Variants in UNC13C observed in about 807,000 individuals in gnomAD.
UNC13C encodes the protein unc-13 homolog C, also known as protein unc-13 homolog C.
Under a neutral mutation model 245.4 loss-of-function variants are expected in UNC13C, and 174 were observed. The ratio of observed to expected loss-of-function variants is 0.71; its 90% CI spans 0.63 to 0.80. UNC13C has a LOEUF of 0.80. UNC13C is among the 30% of genes least tolerant of loss of function. UNC13C has a pLI of 0.00. For synonymous variants in UNC13C, 992 were observed against 895.1 expected, an observed-to-expected ratio of 1.11 and a Z score of -1.93; for missense variants, 2,829 against 2,602.9, an observed-to-expected ratio of 1.09 and a Z score of -1.89.
Position 54,522,614 on chromosome 15 carries a change from A to G in UNC13C, c.5458-2935A>G, listed in dbSNP as rs567533561. ...ATGGTGTAAAACTCAGTTAATACCT[A>G]TGTGGGATTATAGTTTATTCTGATC... On this transcript the variant is annotated intron_variant, in intron 24 of 32. Transcript: ENST00000260323. 7.9e-5 allele frequency among the ~76,000 whole-genome samples: 12 copies of G among 152,318 alleles called. No individual in the cohort carries two copies. In the South Asian group the frequency reaches 2.3e-3, roughly 29 times the overall value.
the UNC13C span, among the ~76,000 whole-genome samples, chr15:53,899,646 C>T: frequency 6.6e-6 from 1 of 152,162 alleles, no homozygotes; most frequent in Non-Finnish European, 1.5e-5. Context: ...CTCACCGCAA[C>T]ATCCACCTCC....
intron 30 of UNC13C, among the ~76,000 whole-genome samples, chr15:54,597,527 G>A (rs1048231275): frequency 6.6e-6 from 1 of 152,172 alleles, no homozygotes; most frequent in Non-Finnish European, 1.5e-5. Flanking sequence ...TGGAAGGAGA[G>A]GGAAGAATGT....
intron 4 of UNC13C, among the ~76,000 whole-genome samples, chr15:54,163,876 T>C (rs2033066478): frequency 6.6e-6 from 1 of 152,210 alleles, no homozygotes; most frequent in Admixed American, 6.5e-5. Context: ...GCTGAAGAAT[T>C]ATAGTTCTCA....
chr15:54,338,336 G>T (rs779282817), intron 16 of UNC13C, 25 bp from the exon 17 acceptor site: 1 of 1,594,808 alleles, frequency 6.3e-7, no homozygotes, highest in Non-Finnish European at 8.6e-7. Flanking sequence ...TTGCATTTGA[G>T]AAAATAAATG....
chr15:53,889,418 G>C, the UNC13C span, among the ~76,000 whole-genome samples: 3 of 152,268 alleles, frequency 2.0e-5, no homozygotes, highest in South Asian at 4.1e-4. Flanking sequence ...CTGAGACTTG[G>C]CTGAAGTTGC....
chr15:54,627,188 TTAGTTCAC>T lies in UNC13C; in HGVS notation c.*78_*85del. On this transcript the variant is annotated 3_prime_UTR_variant, in exon 33 of 33. Transcript: ENST00000260323. The stretch of plus-strand genomic sequence containing the variant: ...TGCATGTGCAAATACATGGGAATGT[TTAGTTCAC>T]TACATTTCAATGTTTGCCAGTACTC... 2 of 1,399,466 alleles carry T rather than the reference TTAGTTCAC, an allele frequency of 1.4e-6. No homozygotes were observed. The allele number at this position is 1,399,466 out of a possible 1,614,324, so 86.7% of individuals were successfully genotyped here.
At chr15:54,443,373 C>A (rs994635603) in intron 19 of UNC13C, among the ~76,000 whole-genome samples, 2 of 151,612 alleles carry the variant, frequency 1.3e-5, no homozygotes, top group African/African-American at 4.8e-5. Context: ...TTTCATTGAT[C>A]CTTTGTATTT....
chr15:54,631,858 G>A (rs1197890323), downstream of UNC13C: 3 of 152,286 alleles, frequency 2.0e-5, no homozygotes, highest in Middle Eastern at 3.4e-3. Flanking sequence ...ATCTATTAGA[G>A]TGTGATTTCT....
chr15:54,438,553 T>A (rs1890346426), intron 19 of UNC13C, among the ~76,000 whole-genome samples: 1 of 152,012 alleles, frequency 6.6e-6, no homozygotes, highest in East Asian at 1.9e-4. Context: ...TCTTCCAGTC[T>A]CTAAAATGGC....
chr15:54,340,285 T>C (rs1382515334), intron 17 of UNC13C, among the ~76,000 whole-genome samples: 2 of 152,236 alleles, frequency 1.3e-5, no homozygotes, highest in Non-Finnish European at 2.9e-5. Flanking sequence ...GCTCTTTAGT[T>C]TAATTAAATC....
chr15:54,367,234 A>G (rs2039385538), intron 17 of UNC13C, among the ~76,000 whole-genome samples: 1 of 152,156 alleles, frequency 6.6e-6, no homozygotes, highest in Non-Finnish European at 1.5e-5. Flanking sequence ...CTTCCCATGT[A>G]TGGCTCAGAT....
chr15:54,238,259 G>T (rs1436963228), intron 7 of UNC13C, among the ~76,000 whole-genome samples: 1 of 152,016 alleles, frequency 6.6e-6, no homozygotes, highest in Non-Finnish European at 1.5e-5. Context: ...ATTTTTAGTA[G>T]AGATGGGGTT....
At chr15:54,154,811 C>T (rs2032672031) in intron 4 of UNC13C, among the ~76,000 whole-genome samples, 1 of 152,144 alleles carries the variant, frequency 6.6e-6, no homozygotes, top group African/African-American at 2.4e-5. Flanking sequence ...ATAAAAGGGA[C>T]TATATTGTCC....
At chr15:53,894,195 A>G in the UNC13C span, among the ~76,000 whole-genome samples, 1 of 152,166 alleles carries the variant, frequency 6.6e-6, no homozygotes, top group African/African-American at 2.4e-5. Flanking sequence ...TCCCAGTGAG[A>G]TGAACTGGAT....
intron 6 of UNC13C, 106 bp from the exon 7 acceptor site, chr15:54,237,513 A>G: frequency 2.3e-6 from 2 of 851,464 alleles, no homozygotes; most frequent in Non-Finnish European, 3.9e-6. Context: ...ACTAACTAAA[A>G]TATGAACAGT....
At chr15:54,481,082 TA>T (rs1245690698) in intron 19 of UNC13C, among the ~76,000 whole-genome samples, 1 of 152,184 alleles carries the variant, frequency 6.6e-6, no homozygotes, top group African/African-American at 2.4e-5. Flanking sequence ...CAGGGCATAG[TA>T]GTGTGTTCTC....
intron 2 of UNC13C, among the ~76,000 whole-genome samples, chr15:54,119,512 T>C (rs2030516850): frequency 6.6e-6 from 1 of 152,134 alleles, no homozygotes; most frequent in South Asian, 2.1e-4. Flanking sequence ...CTCTCTTTTT[T>C]GGCATCCTGA....
chr15:54,411,074 T>C (rs550117857), intron 18 of UNC13C, among the ~76,000 whole-genome samples: 3 of 152,344 alleles, frequency 2.0e-5, no homozygotes, highest in African/African-American at 4.8e-5. Flanking sequence ...CATAATTTTA[T>C]TGGCAAATAT....
chr15:54,549,408 C>A (rs1458349955), intron 27 of UNC13C, among the ~76,000 whole-genome samples: 1 of 152,128 alleles, frequency 6.6e-6, no homozygotes, highest in Non-Finnish European at 1.5e-5. Context: ...TAGTCATTAA[C>A]CTAAACTTAA....
Sources: gnomAD v4.1 joint callset for allele counts (sites outside exome capture counted in the v4.1 genomes callset) on GRCh38, gnomAD v4.1.1 for gene constraint, MANE v1.5 for transcripts, NCBI Gene and HGNC (gene_info 2026-07-23, HGNC 2026-07-21) for gene names.